FTO: variants seen among roughly 807,000 people sequenced by gnomAD.
FTO encodes the protein alpha-ketoglutarate-dependent dioxygenase FTO.
Under a neutral mutation model 63.9 loss-of-function variants are expected in FTO, and 47 were observed. The ratio of observed to expected loss-of-function variants is 0.74; its 90% confidence interval spans 0.58 to 0.94. The LOEUF (loss-of-function observed/expected upper bound fraction) is 0.94, where lower values mean the gene tolerates loss of function less well. Among genes scored for constraint, FTO ranks in the 40% least tolerant of loss-of-function variants. FTO has a pLI of 0.00. For missense variants in FTO, 562 were observed against 618.1 expected (o/e 0.91, Z 0.96); for synonymous variants, 207 against 224.4 (o/e 0.92, Z 0.69).
chr16:54,076,529 ACAGT>A (rs1235138389), intron 8 of FTO, among the ~76,000 whole-genome samples: 3 of 152,190 alleles, frequency 2.0e-5, no homozygotes, highest in African/African-American at 4.8e-5. Flanking sequence ...ACTGTCTGTG[ACAGT>A]CAGTGTCTTT....
intron 8 of FTO, among the ~76,000 whole-genome samples, chr16:53,952,782 G>A (rs1400266801): frequency 6.6e-6 from 1 of 152,210 alleles, no homozygotes; most frequent in Non-Finnish European, 1.5e-5. Flanking sequence ...CCCAGAGCTA[G>A]ACCTAATGCA....
At chr16:53,814,388 G>T (rs2078616900) in intron 2 of FTO, among the ~76,000 whole-genome samples, 1 of 152,170 alleles carries the variant, frequency 6.6e-6, no homozygotes, top group Non-Finnish European at 1.5e-5. Flanking sequence ...CTGTGTGCCA[G>T]GTTGTTCTGC....
chr16:53,766,201 T>C (rs1043746269), intron 1 of FTO, among the ~76,000 whole-genome samples: 22 of 152,160 alleles, frequency 1.4e-4, no homozygotes, highest in African/African-American at 5.3e-4. Flanking sequence ...GGCTTTTAGC[T>C]TGAGTAACTA....
chr16:53,965,379 G>T (rs1176151680), intron 8 of FTO, among the ~76,000 whole-genome samples: 3 of 152,234 alleles, frequency 2.0e-5, no homozygotes, highest in Middle Eastern at 6.8e-3. Context: ...CATCATGTTA[G>T]CTCCATATAG....
intron 7 of FTO, among the ~76,000 whole-genome samples, chr16:53,896,439 G>T (rs766194684): frequency 6.6e-5 from 10 of 151,732 alleles, no homozygotes; most frequent in African/African-American, 1.7e-4. Flanking sequence ...ATGAAGTAGT[G>T]TACAAAATAA....
intron 8 of FTO, among the ~76,000 whole-genome samples, chr16:54,062,216 C>G (rs2085593758): frequency 6.6e-6 from 1 of 152,192 alleles, no homozygotes; most frequent in Non-Finnish European, 1.5e-5. Flanking sequence ...CCAAAGTCCC[C>G]TTGAAATTCT....
chr16:53,788,570 T>C (rs1598659579), intron 1 of FTO, among the ~76,000 whole-genome samples: 1 of 133,474 alleles, frequency 7.5e-6, no homozygotes. Context: ...GCCACTGCAC[T>C]CCAGCCTGGG....
At chr16:53,734,056 A>G (rs1038810817) in intron 1 of FTO, among the ~76,000 whole-genome samples, 2 of 152,248 alleles carry the variant, frequency 1.3e-5, no homozygotes, top group Non-Finnish European at 2.9e-5. Context: ...ACGTATTTAC[A>G]AAGTAAGTAG....
At chr16:54,012,656 T>C (rs773495013) in intron 8 of FTO, among the ~76,000 whole-genome samples, 22 of 152,212 alleles carry the variant, frequency 1.4e-4, no homozygotes, top group Non-Finnish European at 2.8e-4. Context: ...CTGGTAACTT[T>C]AAGTCGAAGC....
At chr16:53,746,965 G>T (rs2076665424) in intron 1 of FTO, among the ~76,000 whole-genome samples, 1 of 152,114 alleles carries the variant, frequency 6.6e-6, no homozygotes, top group East Asian at 1.9e-4. Flanking sequence ...TTGTCCTTCT[G>T]TACCTGGCTT....
intron 8 of FTO, among the ~76,000 whole-genome samples, chr16:54,102,734 G>A (rs1450701008): frequency 6.6e-6 from 1 of 152,204 alleles, no homozygotes; most frequent in Non-Finnish European, 1.5e-5. Flanking sequence ...ATTGACAGCA[G>A]CTGGGTACCG....
chr16:53,727,588 A>G, intron 1 of FTO, among the ~76,000 whole-genome samples: 1 of 152,186 alleles, frequency 6.6e-6, no homozygotes. Flanking sequence ...TGTAAATTTG[A>G]AACTTTGGTT....
chr16:53,924,715 G>A (rs202106169), intron 7 of FTO, among the ~76,000 whole-genome samples: 3 of 152,122 alleles, frequency 2.0e-5, no homozygotes, highest in East Asian at 1.9e-4. Flanking sequence ...TCCAGGATGC[G>A]TTTTCTCAAA....
At chr16:53,921,164 C>T (rs1489197080) in intron 7 of FTO, among the ~76,000 whole-genome samples, 1 of 152,232 alleles carries the variant, frequency 6.6e-6, no homozygotes, top group African/African-American at 2.4e-5. Flanking sequence ...ACTTGTCTCA[C>T]TTGTTAGGGA....
intron 7 of FTO, among the ~76,000 whole-genome samples, chr16:53,921,751 C>T (rs983564325): frequency 7.9e-5 from 12 of 151,978 alleles, no homozygotes; most frequent in Admixed American, 2.6e-4. Flanking sequence ...GCCATGGCTG[C>T]AGTTTGAGCA....
At chr16:54,017,400 C>A (rs1022653893) in intron 8 of FTO, among the ~76,000 whole-genome samples, 2 of 152,170 alleles carry the variant, frequency 1.3e-5, no homozygotes, top group Admixed American at 1.3e-4. Context: ...TCATGAGCTT[C>A]TTTGGGACTC....
At chr16:53,791,444 C>T (rs2077907914) in intron 1 of FTO, among the ~76,000 whole-genome samples, 2 of 152,126 alleles carry the variant, frequency 1.3e-5, no homozygotes, top group Admixed American at 1.3e-4. Context: ...AAAGAGATAC[C>T]TATACACCTG....
chr16:53,760,357 TGCCTCA>T (rs1463851408), intron 1 of FTO, among the ~76,000 whole-genome samples: 1 of 151,780 alleles, frequency 6.6e-6, no homozygotes, highest in East Asian at 1.9e-4. Flanking sequence ...AAAATCCTCC[TGCCTCA>T]GCCTCCCAAA....
chr16:53,776,634 C>A (rs7187250), intron 1 of FTO, among the ~76,000 whole-genome samples: 59,037 of 151,496 alleles, frequency 0.39, 11,757 homozygotes, highest in African/African-American at 0.42. Flanking sequence ...CCCTTCATTA[C>A]AAGTTAATGT....
Sources: gnomAD v4.1 joint callset for allele counts (sites outside exome capture counted in the v4.1 genomes callset) on GRCh38, gnomAD v4.1.1 for gene constraint, MANE v1.5 for transcripts, NCBI Gene and HGNC (gene_info 2026-07-23, HGNC 2026-07-21) for gene names.